TJP3: variants seen among roughly 807,000 people sequenced by gnomAD.
TJP3 encodes tight junction protein ZO-3.
In TJP3, 85 loss-of-function variants were observed where a neutral mutation model predicts 104.2. That is an observed-to-expected ratio of 0.82 (90% CI 0.68 to 0.98). The LOEUF (loss-of-function observed/expected upper bound fraction) is 0.98. Among genes scored for constraint, TJP3 ranks in the 50% least tolerant of loss-of-function variants. TJP3 has a pLI of 0.00. For missense variants in TJP3, 1,367 were observed against 1,322.8 expected (o/e 1.03, Z -0.52); for synonymous variants, 550 against 550.6 (o/e 1.00, Z 0.02).
intron 18 of TJP3, among the ~76,000 whole-genome samples, 153 bp from the exon 19 acceptor site, chr19:3,747,641 C>T (rs2036917268): frequency 6.6e-6 from 1 of 152,188 alleles, no homozygotes; most frequent in South Asian, 2.1e-4. Flanking sequence ...GGATACAACC[C>T]ATCCTGGAGT....
chr19:3,708,986 C>G (rs1384782643), intron 1 of TJP3, among the ~76,000 whole-genome samples: 2 of 152,054 alleles, frequency 1.3e-5, no homozygotes, highest in Non-Finnish European at 2.9e-5. Flanking sequence ...CATCTCTGAG[C>G]CTCCTGGAAC....
intron 14 of TJP3, among the ~76,000 whole-genome samples, chr19:3,742,157 G>A (rs1401852131): frequency 6.6e-6 from 1 of 152,044 alleles, no homozygotes; most frequent in Admixed American, 6.6e-5. Context: ...TCTTTGACCG[G>A]GCGTGGTGGC....
Position 3,746,415 on chromosome 19 carries a change from T to C in TJP3, c.2011-70T>C. The C allele has an allele frequency of 1.9e-6, 3 of 1,541,820 alleles. No homozygotes were observed. The highest frequency in any genetic ancestry group is 2.7e-6 in the Non-Finnish European group (3 of 1,125,358). On this transcript the variant is annotated intron_variant, in intron 16 of 20. Transcript: ENST00000541714. The surrounding 1 kb of genome is among the most constrained non-coding windows in gnomAD (Gnocchi z 4.1). ...CCACTCTGACCTCAGACTCTTCATC[T>C]TTCTATCTTTCTCTCTCTGTTTACC... is the stretch of plus-strand genomic sequence containing the variant.
chr19:3,747,724 G>C, intron 18 of TJP3, 70 bp from the exon 19 acceptor site: 1 of 1,450,078 alleles, frequency 6.9e-7, no homozygotes, highest in Admixed American at 2.5e-5. Flanking sequence ...GTTTGAAGGT[G>C]GGGGGATGTC....
At chr19:3,710,273 C>G (rs904233068) in intron 1 of TJP3, among the ~76,000 whole-genome samples, 1 of 96,522 alleles carries the variant, frequency 1.0e-5, no homozygotes, top group Non-Finnish European at 2.1e-5. Context: ...CGAGCTATCC[C>G]GGTCCGAATC....
chr19:3,713,720 A>C (rs138882595), intron 1 of TJP3, among the ~76,000 whole-genome samples: 1,715 of 151,674 alleles, frequency 0.011, 33 homozygotes, highest in African/African-American at 0.039. Context: ...TTATTTATTT[A>C]TTTCTTTTTT....
At chr19:3,733,684 C>G in intron 6 of TJP3, 69 bp from the exon 7 acceptor site, 2 of 1,588,550 alleles carry the variant, frequency 1.3e-6, no homozygotes, top group Non-Finnish European at 1.7e-6. Flanking sequence ...TCCCCCACAC[C>G]AGGCTGTTTC....
intron 14 of TJP3, among the ~76,000 whole-genome samples, chr19:3,742,066 C>T (rs2036829326): frequency 6.6e-6 from 1 of 152,094 alleles, no homozygotes; most frequent in Non-Finnish European, 1.5e-5. Flanking sequence ...GTGTCTCCAA[C>T]AGAAATATGG....
intron 1 of TJP3, among the ~76,000 whole-genome samples, chr19:3,714,242 G>A (rs189760976): frequency 6.6e-6 from 1 of 151,992 alleles, no homozygotes; most frequent in Admixed American, 6.6e-5. Flanking sequence ...TAGAGACAGG[G>A]TTTCATCATC....
Position 3,746,798 on chromosome 19 carries a change from G to T in TJP3, c.2244G>T (p.Thr748=), listed in dbSNP as rs61729588. 4 of 1,611,032 alleles carry T rather than the reference G, an allele frequency of 2.5e-6. No homozygotes were observed. Among genetic ancestry groups the T allele is most frequent in the Non-Finnish European group, 3.4e-6 (4 of 1,178,688 alleles). The part of the protein sequence containing the change: ...LFTATIPLNG[T]SDTWYQELKA... Reference sequence around the variant, plus strand: ...CAGCCACCATCCCTCTGAATGGCACGAGTGACACCTGGTACCAGGAGCTCA... The same window carrying T: ...CAGCCACCATCCCTCTGAATGGCACTAGTGACACCTGGTACCAGGAGCTCA... The change falls in exon 18 of 21, where the codon ACG becomes ACT. Residue 748 remains threonine (T), a synonymous_variant. Transcript: ENST00000541714. The surrounding 1 kb of genome is among the most constrained non-coding windows in gnomAD (Gnocchi z 4.1).
rs540517488 is a variant in TJP3, at chr19:3,730,426, C to T, written c.333C>T (p.Asp111=). 23 of 1,590,998 alleles carry T rather than the reference C, an allele frequency of 1.4e-5. No homozygotes were observed. The South Asian group carries it at 2.6e-4, about 18-fold the overall frequency. Reference sequence around the variant, plus strand: ...GCCCCTCCAGCCCAGGGCGCCAGGACTCGGATGAAGACGATGGGCCCCAGC... The same window carrying T: ...GCCCCTCCAGCCCAGGGCGCCAGGATTCGGATGAAGACGATGGGCCCCAGC... The part of the protein sequence containing the change: ...KASPSSPGRQ[D]SDEDDGPQRV... The change falls in exon 5 of 21, where the codon GAC becomes GAT. Residue 111 remains aspartate, a synonymous_variant. Coordinates refer to ENST00000541714, the MANE Select transcript of TJP3 (RefSeq NM_001267560.2). This position sits in a 1 kb window ranked among gnomAD's most constrained non-coding sequence, Gnocchi z 7.3.
chr19:3,729,125 C>G (rs542359091), intron 3 of TJP3, among the ~76,000 whole-genome samples: 5 of 152,232 alleles, frequency 3.3e-5, no homozygotes, highest in African/African-American at 1.2e-4. Context: ...ACACAGGGCT[C>G]GGACTTGGCA....
chr19:3,741,672 C>T (rs1417351076), intron 14 of TJP3, among the ~76,000 whole-genome samples: 1 of 149,532 alleles, frequency 6.7e-6, no homozygotes, highest in Non-Finnish European at 1.5e-5. Flanking sequence ...CTCCTTCTAT[C>T]AAAAATACTT....
rs1239022637 is a variant in TJP3 at position 3,747,789 on chromosome 19, C to T, written c.2323-5C>T. On this transcript the variant is annotated splice_region_variant and splice_polypyrimidine_tract_variant and intron_variant, in intron 18 of 20. Transcript: ENST00000541714. ...CCAGCCGCAGCATCCACACCCACCC[C>T]ACAGCTGGATGGCTCCTTGGAGGAC... The T allele has an allele frequency of 1.3e-6, 2 of 1,576,468 alleles. No individual in the cohort carries two copies. The highest frequency in any genetic ancestry group is 1.7e-6 in the Non-Finnish European group (2 of 1,164,082).
chr19:3,726,941 G>T (rs1430028389), intron 1 of TJP3, among the ~76,000 whole-genome samples: 4 of 151,828 alleles, frequency 2.6e-5, no homozygotes, highest in Non-Finnish European at 5.9e-5. Context: ...AAAAAAATTA[G>T]CCGGGCATCG....
chr19:3,740,921 G>A (rs535944576), intron 14 of TJP3, among the ~76,000 whole-genome samples, 158 bp downstream of exon 14: 17 of 152,274 alleles, frequency 1.1e-4, no homozygotes, highest in Admixed American at 3.3e-4. Context: ...TAGGAGGATC[G>A]CTGAGGCCAG....
At chr19:3,717,777 T>A (rs2036495202) in intron 1 of TJP3, among the ~76,000 whole-genome samples, 2 of 151,950 alleles carry the variant, frequency 1.3e-5, no homozygotes, top group Non-Finnish European at 2.9e-5. Context: ...GATGGGGGTC[T>A]CACTGTGTTG....
At chr19:3,745,223 G>A (rs148627632) in intron 15 of TJP3, among the ~76,000 whole-genome samples, 3,274 of 124,222 alleles carry the variant, frequency 0.026, 130 homozygotes, top group African/African-American at 0.096. Flanking sequence ...TCGACTCACC[G>A]CAACCTCTGC....
intron 1 of TJP3, among the ~76,000 whole-genome samples, chr19:3,714,543 G>A (rs1239523546): frequency 6.6e-6 from 1 of 152,048 alleles, no homozygotes; most frequent in African/African-American, 2.4e-5. Flanking sequence ...AGAACTGATT[G>A]ACAGACACAG....
Sources: gnomAD v4.1 joint callset for allele counts (sites outside exome capture counted in the v4.1 genomes callset) on GRCh38, gnomAD v4.1.1 for gene constraint, Gnocchi (gnomAD v3.1) non-coding constraint, MANE v1.5 for transcripts, NCBI Gene and HGNC (gene_info 2026-07-23, HGNC 2026-07-21) for gene names.